CYLD: variants seen among roughly 807,000 people sequenced by gnomAD.
CYLD encodes the protein ubiquitin carboxyl-terminal hydrolase CYLD.
Under a neutral mutation model 104.5 loss-of-function variants are expected in CYLD, and 26 were observed. The ratio of observed to expected loss-of-function variants is 0.25; its 90% CI spans 0.18 to 0.35. The LOEUF (loss-of-function observed/expected upper bound fraction) is 0.35, where lower values mean the gene tolerates loss of function less well. Among genes scored for constraint, CYLD ranks in the 10% least tolerant of loss-of-function variants. The pLI, the probability that CYLD is intolerant of heterozygous loss-of-function variation, is 1.00. For missense variants in CYLD, 703 were observed against 1,136.1 expected (o/e 0.62, Z 5.48); for synonymous variants, 385 against 399.9 (o/e 0.96, Z 0.45).
intron 2 of CYLD, chr16:50,745,004 G>C (rs960702163): frequency 1.3e-5 from 2 of 152,266 alleles, no homozygotes; most frequent in African/African-American, 4.8e-5. Context: ...CATGGCTTTA[G>C]GGTTAAACAT....
chr16:50,771,216 C>G (rs80285592), intron 5 of CYLD, among the ~76,000 whole-genome samples: 6,639 of 147,896 alleles, frequency 0.045, 476 homozygotes, highest in African/African-American at 0.15. Flanking sequence ...CTTTCTATCT[C>G]TACAGATTTG....
chr16:50,765,519 C>G (rs1444458461), intron 5 of CYLD, among the ~76,000 whole-genome samples: 1 of 152,150 alleles, frequency 6.6e-6, no homozygotes, highest in Non-Finnish European at 1.5e-5. Context: ...ACAATGGCCT[C>G]TAAGTGTTCC....
intron 2 of CYLD, among the ~76,000 whole-genome samples, chr16:50,748,348 A>C (rs1966366264): frequency 6.6e-6 from 1 of 152,190 alleles, no homozygotes; most frequent in Admixed American, 6.5e-5. Flanking sequence ...TAGGTTTGAG[A>C]ATGAGCCTAC....
At chr16:50,745,577 A>T (rs1966123632) in intron 2 of CYLD, among the ~76,000 whole-genome samples, 1 of 151,284 alleles carries the variant, frequency 6.6e-6, no homozygotes, top group Non-Finnish European at 1.5e-5. Flanking sequence ...TCCTTTTGGG[A>T]CAGGCTCTCA....
At position 50,781,282 on chromosome 16, in the gene CYLD, A is replaced by G; in HGVS notation, c.1555A>G (p.Arg519Gly). Residue 519 changes from arginine to glycine, a missense_variant, in exon 10 of 19, where the codon AGA becomes GGA. This residue lies in a region of CYLD where 125 missense variants were observed against 325.4 expected (regional missense o/e 0.38). Coordinates refer to ENST00000427738, the MANE Select transcript of CYLD (RefSeq NM_001378743.1). ...ECAGCTDGTFRGTRYFTCALK... is the reference protein window; with the variant it reads ...ECAGCTDGTFGGTRYFTCALK... Reference sequence around the variant, plus strand: ...TGCAGGCTGTACGGATGGAACCTTCAGAGGCACTCGGTATTTCACCTGTGC... The same window carrying G: ...TGCAGGCTGTACGGATGGAACCTTCGGAGGCACTCGGTATTTCACCTGTGC... The G allele has an allele frequency of 6.2e-7, 1 of 1,614,000 alleles. No homozygotes were observed.
intron 6 of CYLD, 21 bp from the exon 7 acceptor site, chr16:50,776,158 A>C: frequency 6.4e-7 from 1 of 1,565,072 alleles, no homozygotes; most frequent in Non-Finnish European, 8.8e-7. Flanking sequence ...TTATCTTTAA[A>C]AAACATGCTT....
chr16:50,779,762 C>T lies in CYLD; in HGVS notation c.1236C>T (p.Thr412=), dbSNP rs754746750. ...CTCCTCCTGTGAACTCACTGACCAC[C>T]GAGAACAGATTCCACTCTTTACCAT... ...LQPPPVNSLT[T]ENRFHSLPFS... is the part of the protein sequence containing the mutation. The change falls in exon 9 of 19, where the codon ACC becomes ACT. Residue 412 remains threonine (T), a synonymous_variant. Transcript: ENST00000427738. 2.7e-5 allele frequency: 44 copies of T among 1,613,910 alleles called. No homozygotes were observed. Among genetic ancestry groups the T allele is most frequent in the African/African-American group, 2.3e-4 (17 of 74,994 alleles).
At chr16:50,769,445 T>C (rs1968888786) in intron 5 of CYLD, among the ~76,000 whole-genome samples, 1 of 152,228 alleles carries the variant, frequency 6.6e-6, no homozygotes, top group African/African-American at 2.4e-5. Flanking sequence ...CATCTTTCCA[T>C]GTGCATATTT....
intron 5 of CYLD, among the ~76,000 whole-genome samples, chr16:50,773,851 T>C (rs1969390634): frequency 6.6e-6 from 1 of 152,188 alleles, no homozygotes; most frequent in South Asian, 2.1e-4. Flanking sequence ...CTGTATAGAA[T>C]TCTGATGGAA....
intron 1 of CYLD, 150 bp from the exon 2 acceptor site, chr16:50,742,612 G>T (rs1965801239): frequency 2.6e-6 from 1 of 388,414 alleles, no homozygotes; most frequent in African/African-American, 2.1e-5. Flanking sequence ...GACGGCCACG[G>T]TTGGCCTCAG....
chr16:50,787,135 G>A, intron 13 of CYLD, 189 bp downstream of exon 13: 1 of 607,344 alleles, frequency 1.6e-6, no homozygotes, highest in East Asian at 2.9e-5. Context: ...TTGATGATGT[G>A]GAATAATGAA....
Position 50,798,430 on chromosome 16 carries a change from A to T in CYLD, c.*1922A>T, listed in dbSNP as rs141752920. ...GCATTTACATTTATTAGGTATTATA[A>T]GTAATCTAGAGATTATTTAATTAAA... On this transcript the variant is annotated 3_prime_UTR_variant, in exon 19 of 19. Transcript: ENST00000427738. The T allele has an allele frequency of 8.6e-6, 2 of 232,358 alleles. No individual in the cohort carries two copies. Among genetic ancestry groups the T allele is most frequent in the East Asian group, 1.2e-4 (2 of 16,414 alleles). The allele number at this position is 232,358 out of a possible 1,614,324, so 14.4% of individuals were successfully genotyped here.
intron 9 of CYLD, 31 bp from the exon 10 acceptor site, chr16:50,781,215 T>C (rs769377032): frequency 6.2e-7 from 1 of 1,612,652 alleles, no homozygotes; most frequent in Non-Finnish European, 8.5e-7. Context: ...TAAGGCACGG[T>C]ATAATGCATA....
rs900651950 is a variant in CYLD, at chr16:50,801,673, G to C, written c.*5165G>C. 4.3e-6 allele frequency: 1 copy of C among 233,206 alleles called. No homozygotes were observed. The highest frequency in any genetic ancestry group is 8.5e-6 in the Non-Finnish European group (1 of 117,806). 14.4% of individuals were successfully genotyped at this position (233,206 alleles called of 1,614,324 possible). ...GGGAGTTGGGATTCTTAGTAGATTG[G>C]TAGAAAGGGGCTCATTTTCTACTGC... is the stretch of plus-strand genomic sequence containing the variant. On this transcript the variant is annotated 3_prime_UTR_variant, in exon 19 of 19. Coordinates refer to ENST00000427738, the MANE Select transcript of CYLD (RefSeq NM_001378743.1).
Position 50,792,766 on chromosome 16 carries a change from C to T in CYLD, c.2350+61C>T, listed in dbSNP as rs149502055. On this transcript the variant is annotated intron_variant, in intron 16 of 18. Transcript: ENST00000427738. Reference sequence around the variant, plus strand: ...TTTGTGGAAATTGTCAGATAATTCTCATCAGTTGTGGGTTAGACTCTAACT... The same window carrying T: ...TTTGTGGAAATTGTCAGATAATTCTTATCAGTTGTGGGTTAGACTCTAACT... The T allele has an allele frequency of 3.0e-3, 2,718 of 914,174 alleles. 25 individuals carry two copies. Among genetic ancestry groups the T allele is most frequent in the African/African-American group, 0.025 (1,529 of 60,792 alleles). 56.6% of individuals were successfully genotyped at this position (914,174 alleles called of 1,614,324 possible). A position where few individuals can be genotyped will look rare whatever the true frequency, so the allele number is the denominator to read the frequency against.
rs549222528 is a variant in CYLD, at chr16:50,800,294, G to T, written c.*3786G>T. On this transcript the variant is annotated 3_prime_UTR_variant, in exon 19 of 19. Coordinates refer to ENST00000427738, the MANE Select transcript of CYLD (RefSeq NM_001378743.1). Reference sequence around the variant, plus strand: ...GTGAGGGAATCCCCAGGGGAATCTCGTGACCAGCCAGGTGTGAAATCTGCT... The same window carrying T: ...GTGAGGGAATCCCCAGGGGAATCTCTTGACCAGCCAGGTGTGAAATCTGCT... The T allele has an allele frequency of 8.6e-6, 2 of 233,226 alleles. No individual in the cohort carries two copies. The highest frequency in any genetic ancestry group is 1.1e-4 in the Admixed American group (2 of 17,778). 14.4% of individuals were successfully genotyped at this position (233,226 alleles called of 1,614,324 possible).
intron 11 of CYLD, chr16:50,784,086 A>G: frequency 2.2e-6 from 1 of 445,192 alleles, no homozygotes; most frequent in South Asian, 2.2e-5. Context: ...AACACTGCCA[A>G]TCTGCCGTTT....
At chr16:50,789,434 TA>T (rs1301916976) in intron 14 of CYLD, among the ~76,000 whole-genome samples, 1 of 152,144 alleles carries the variant, frequency 6.6e-6, no homozygotes, top group African/African-American at 2.4e-5. Flanking sequence ...AGTAATAACA[TA>T]GGTTGAATAC....
intron 5 of CYLD, among the ~76,000 whole-genome samples, chr16:50,770,167 C>T (rs1163191226): frequency 6.6e-6 from 1 of 152,016 alleles, no homozygotes; most frequent in African/African-American, 2.4e-5. Flanking sequence ...CATAATTGTC[C>T]AAGTGCGTAT....
Sources: gnomAD v4.1 joint callset for allele counts (sites outside exome capture counted in the v4.1 genomes callset) on GRCh38, gnomAD v4.1.1 for gene constraint, gnomAD v4.1.1 regional missense constraint, MANE v1.5 for transcripts, NCBI Gene and HGNC (gene_info 2026-07-23, HGNC 2026-07-21) for gene names.